KHDRBS2: variants seen among roughly 807,000 people sequenced by gnomAD.
KHDRBS2 encodes the protein KH RNA binding domain containing, signal transduction associated 2.
In KHDRBS2, 26 loss-of-function variants were observed where a neutral mutation model predicts 44.3. That is an observed-to-expected ratio of 0.59 (90% CI 0.43 to 0.81). KHDRBS2 has a LOEUF of 0.81. Among genes scored for constraint, KHDRBS2 ranks in the 40% least tolerant of loss-of-function variants. KHDRBS2 has a pLI of 0.00. For synonymous variants in KHDRBS2, 194 were observed against 151.1 expected (o/e 1.28, Z -2.08); for missense variants, 476 against 433.1 (o/e 1.10, Z -0.88).
intron 6 of KHDRBS2, among the ~76,000 whole-genome samples, chr6:61,787,461 T>C (rs1783996679): frequency 6.6e-6 from 1 of 151,792 alleles, no homozygotes; most frequent in Non-Finnish European, 1.5e-5. Flanking sequence ...CTTGCGGTTT[T>C]TCATCACAAA....
At chr6:61,987,224 A>C (rs1266925676) in intron 3 of KHDRBS2, among the ~76,000 whole-genome samples, 4 of 152,142 alleles carry the variant, frequency 2.6e-5, no homozygotes, top group Non-Finnish European at 5.9e-5. Flanking sequence ...ACCAAATCCA[A>C]TATTACTCTT....
At chr6:62,033,009 C>T (rs1784626336) in intron 3 of KHDRBS2, among the ~76,000 whole-genome samples, 1 of 151,644 alleles carries the variant, frequency 6.6e-6, no homozygotes, top group Non-Finnish European at 1.5e-5. Context: ...ACTAATTTAA[C>T]AAGAGATTGA....
intron 1 of KHDRBS2, among the ~76,000 whole-genome samples, chr6:62,208,956 A>T (rs1391057770): frequency 5.9e-5 from 9 of 152,098 alleles, no homozygotes; most frequent in Non-Finnish European, 1.2e-4. Context: ...GATTTTTTGT[A>T]TATCACACCA....
chr6:61,642,660 C>CAA, the KHDRBS2 span, among the ~76,000 whole-genome samples: 3,024 of 134,796 alleles, frequency 0.022, 42 homozygotes, highest in Middle Eastern at 0.07. Flanking sequence ...GACTCCACAT[C>CAA]AAAAAAAAAA....
At chr6:61,673,950 A>G in the KHDRBS2 span, among the ~76,000 whole-genome samples, 2 of 151,780 alleles carry the variant, frequency 1.3e-5, no homozygotes, top group Middle Eastern at 3.4e-3. Context: ...GAACCAAAAA[A>G]GAGCCCGCAT....
At chr6:61,661,067 A>G in the KHDRBS2 span, among the ~76,000 whole-genome samples, 4 of 151,872 alleles carry the variant, frequency 2.6e-5, no homozygotes, top group Admixed American at 2.6e-4. Flanking sequence ...TATGAAAGTC[A>G]CCACATTACC....
chr6:61,930,141 G>A (rs2127366045), intron 4 of KHDRBS2, among the ~76,000 whole-genome samples: 1 of 152,162 alleles, frequency 6.6e-6, no homozygotes, highest in Middle Eastern at 3.4e-3. Flanking sequence ...ACCCTGCAGA[G>A]GATGCTGGAA....
the KHDRBS2 span, among the ~76,000 whole-genome samples, chr6:61,663,046 T>C: frequency 6.6e-6 from 1 of 151,736 alleles, no homozygotes; most frequent in Non-Finnish European, 1.5e-5. Context: ...GTGGCACAAA[T>C]ACACCACGGA....
intron 2 of KHDRBS2, among the ~76,000 whole-genome samples, chr6:62,065,246 C>T (rs934327152): frequency 6.6e-6 from 1 of 152,142 alleles, no homozygotes; most frequent in African/African-American, 2.4e-5. Flanking sequence ...GGATCTAGAA[C>T]TACAAATACC....
At chr6:61,613,731 A>G in the KHDRBS2 span, among the ~76,000 whole-genome samples, 2 of 152,194 alleles carry the variant, frequency 1.3e-5, no homozygotes, top group Admixed American at 6.5e-5. Flanking sequence ...TTGTGTCTCA[A>G]AGAATTAGAG....
At chr6:62,191,415 A>G (rs1258898400) in intron 1 of KHDRBS2, among the ~76,000 whole-genome samples, 2 of 151,968 alleles carry the variant, frequency 1.3e-5, no homozygotes, top group Non-Finnish European at 2.9e-5. Flanking sequence ...CCCAGTTTTA[A>G]TACTCATTTT....
the KHDRBS2 span, among the ~76,000 whole-genome samples, chr6:61,592,408 A>AAGAT: frequency 1.3e-5 from 2 of 152,126 alleles, no homozygotes; most frequent in Non-Finnish European, 2.9e-5. Context: ...AAGGCCAGCA[A>AAGAT]AGATAGTCTT....
chr6:62,074,618 T>G (rs1291562889), intron 2 of KHDRBS2, among the ~76,000 whole-genome samples: 1 of 151,912 alleles, frequency 6.6e-6, no homozygotes, highest in Non-Finnish European at 1.5e-5. Flanking sequence ...AATGTTTAAC[T>G]AGATCAACGT....
intron 2 of KHDRBS2, among the ~76,000 whole-genome samples, chr6:62,079,909 C>A (rs564876536): frequency 6.6e-6 from 1 of 151,930 alleles, no homozygotes; most frequent in Non-Finnish European, 1.5e-5. Context: ...AAAATTAATG[C>A]CTACAGACAT....
At chr6:62,062,520 G>A (rs1213998002) in intron 2 of KHDRBS2, among the ~76,000 whole-genome samples, 1 of 151,924 alleles carries the variant, frequency 6.6e-6, no homozygotes, top group African/African-American at 2.4e-5. Flanking sequence ...ACCTGCTCCT[G>A]AATGACTACT....
intron 3 of KHDRBS2, among the ~76,000 whole-genome samples, chr6:61,991,999 A>C (rs1422284397): frequency 6.6e-6 from 1 of 152,218 alleles, no homozygotes; most frequent in Non-Finnish European, 1.5e-5. Flanking sequence ...CGGACTGAGA[A>C]GTAAGCACCA....
intron 6 of KHDRBS2, among the ~76,000 whole-genome samples, chr6:61,769,935 C>A (rs545369453): frequency 4.3e-4 from 65 of 152,290 alleles, no homozygotes; most frequent in African/African-American, 1.4e-3. Context: ...GAGGCACCCC[C>A]CAGTAGGGGT....
At chr6:62,048,117 A>AAC (rs1282568221) in intron 2 of KHDRBS2, 123 bp from the exon 3 acceptor site, 21 of 523,714 alleles carry the variant, frequency 4.0e-5, no homozygotes, top group African/African-American at 3.7e-4. Context: ...TCATGCCATA[A>AAC]ACATACACAC....
intron 6 of KHDRBS2, among the ~76,000 whole-genome samples, chr6:61,782,683 G>T (rs1381676350): frequency 2.6e-5 from 2 of 76,854 alleles, no homozygotes; most frequent in African/African-American, 4.2e-5. Flanking sequence ...TGTGTATAAA[G>T]GTTGTGTATA....
Sources: allele counts gnomAD v4.1 joint callset (sites outside exome capture counted in the v4.1 genomes callset), GRCh38; gene constraint gnomAD v4.1.1; transcripts MANE v1.5; gene names NCBI Gene and HGNC (gene_info 2026-07-23, HGNC 2026-07-21).